The following TXK variants were observed in gnomAD, a reference collection of about 807,000 sequenced individuals.
TXK encodes the protein TXK tyrosine kinase, also known as tyrosine-protein kinase TXK.
TXK carries 60 observed loss-of-function variants against 81.0 expected under a neutral mutation model. That is an observed-to-expected ratio of 0.74 (90% CI 0.60 to 0.92). The LOEUF (loss-of-function observed/expected upper bound fraction) is 0.92. Ranked by LOEUF, TXK falls within the 40% of genes least tolerant of loss-of-function variation. The pLI is 0.00. For synonymous variants in TXK, 203 were observed against 210.7 expected (o/e 0.96, Z 0.32); for missense variants, 581 against 638.3 (o/e 0.91, Z 0.97).
intron 1 of TXK, among the ~76,000 whole-genome samples, chr4:48,116,708 A>G (rs1718822986): frequency 6.6e-6 from 1 of 152,184 alleles, no homozygotes; most frequent in African/African-American, 2.4e-5. Flanking sequence ...TCCTTACTCC[A>G]CTGTCCTCCC....
At chr4:48,093,895 C>T (rs1717873791) in intron 8 of TXK, among the ~76,000 whole-genome samples, 182 bp downstream of exon 8, 1 of 152,178 alleles carries the variant, frequency 6.6e-6, no homozygotes, top group African/African-American at 2.4e-5. Context: ...TTGCCCCCAA[C>T]CAACCAGAAA....
In TXK at chr4:48,104,894, G is replaced by C; in HGVS notation, c.501+7C>G. 1 of 1,586,696 alleles carries C rather than the reference G, an allele frequency of 6.3e-7. No homozygotes were observed. Among genetic ancestry groups the C allele is most frequent in the East Asian group, 2.3e-5 (1 of 43,196 alleles). Reference sequence around the variant, plus strand: ...TTTTGAAAATGTCCACAAATACATTGAATTACCTCTTGTCTCAATAGATGT... The same window carrying C: ...TTTTGAAAATGTCCACAAATACATTCAATTACCTCTTGTCTCAATAGATGT... On this transcript the variant is annotated splice_region_variant and intron_variant, in intron 6 of 14. Coordinates refer to ENST00000264316, the MANE Select transcript of TXK (RefSeq NM_003328.3).
intron 10 of TXK, among the ~76,000 whole-genome samples, chr4:48,085,190 C>A (rs1476454318): frequency 6.6e-6 from 1 of 152,130 alleles, no homozygotes; most frequent in Non-Finnish European, 1.5e-5. Context: ...TCAACTGAGT[C>A]AAAATGCTGT....
intron 4 of TXK, among the ~76,000 whole-genome samples, chr4:48,111,667 T>C (rs754278619): frequency 6.1e-4 from 93 of 152,202 alleles, no homozygotes; most frequent in Non-Finnish European, 1.0e-3. Flanking sequence ...GTAATTTACA[T>C]GCTTATAATA....
intron 14 of TXK, among the ~76,000 whole-genome samples, chr4:48,069,136 G>GA (rs974928132): frequency 1.3e-4 from 20 of 152,098 alleles, no homozygotes; most frequent in African/African-American, 3.9e-4. Flanking sequence ...CCCATCTCTA[G>GA]AAAAAATTTT....
At chr4:48,104,357 AATATATAAT>A (rs1718343631) in intron 6 of TXK, among the ~76,000 whole-genome samples, 1 of 1,322 alleles carries the variant, frequency 7.6e-4, no homozygotes, top group Non-Finnish European at 9.9e-4. Flanking sequence ...TATATAATAT[AATATATAAT>A]ATATATAATA....
At chr4:48,103,309 T>C (rs532399747) in intron 6 of TXK, among the ~76,000 whole-genome samples, 1 of 152,200 alleles carries the variant, frequency 6.6e-6, no homozygotes, top group African/African-American at 2.4e-5. Context: ...AAATTTTTTT[T>C]CTCCGTGTTG....
In TXK at chr4:48,073,940, G is replaced by C. The variant is rs1365325977; in HGVS notation, c.1352C>G (p.Ser451Ter). ...TGAACATCAGATGCACTCACCAAATGACCAGACATCAGATTTACTGCTGTA... is the reference window on the plus strand; with the variant it reads ...TGAACATCAGATGCACTCACCAAATCACCAGACATCAGATTTACTGCTGTA... ...NKYSSKSDVW[S>*]FGVLMWEVFT... The change falls in exon 13 of 15, where the codon TCA (serine) becomes TGA (stop). Residue 451 changes from serine to a stop codon, truncating the protein, a stop_gained. Coordinates refer to ENST00000264316, the MANE Select transcript of TXK (RefSeq NM_003328.3). LOFTEE classifies it high-confidence loss of function. 35 of 1,596,272 alleles carry C rather than the reference G, an allele frequency of 2.2e-5. No individual in the cohort carries two copies. The highest frequency in any genetic ancestry group is 3.0e-5 in the Non-Finnish European group (35 of 1,165,732).
intron 5 of TXK, among the ~76,000 whole-genome samples, chr4:48,107,759 G>A (rs1718502105): frequency 6.6e-6 from 1 of 151,764 alleles, no homozygotes; most frequent in Admixed American, 6.6e-5. Flanking sequence ...ATAACACTAC[G>A]ATTTAAAATT....
At chr4:48,079,889 A>T in intron 11 of TXK, 23 bp downstream of exon 11, 1 of 1,565,320 alleles carries the variant, frequency 6.4e-7, no homozygotes, top group African/African-American at 1.4e-5. Context: ...CAAAAAAAAA[A>T]AGTAAATTTG....
At chr4:48,130,195 T>C (rs1210918103) in intron 1 of TXK, among the ~76,000 whole-genome samples, 2 of 152,244 alleles carry the variant, frequency 1.3e-5, no homozygotes, top group Non-Finnish European at 2.9e-5. Flanking sequence ...TCTTTTTTAA[T>C]CTGCGGCTTC....
chr4:48,113,156 TA>T, intron 3 of TXK, 50 bp downstream of exon 3: 1 of 1,444,540 alleles, frequency 6.9e-7, no homozygotes. Flanking sequence ...ATGAAGACTC[TA>T]AAAAGACAAC....
At chr4:48,112,250 G>C (rs1400697332) in intron 4 of TXK, 57 bp downstream of exon 4, 35 of 1,507,496 alleles carry the variant, frequency 2.3e-5, no homozygotes, top group Non-Finnish European at 3.2e-5. Context: ...GAGTCACTAA[G>C]TAGTCTTCTT....
chr4:48,079,746 A>G (rs1717219804), intron 11 of TXK, among the ~76,000 whole-genome samples, 166 bp downstream of exon 11: 1 of 152,234 alleles, frequency 6.6e-6, no homozygotes, highest in Admixed American at 6.5e-5. Flanking sequence ...TACAGCATCA[A>G]TGGACAATTG....
chr4:48,122,897 G>A (rs928960924), intron 1 of TXK, among the ~76,000 whole-genome samples: 5 of 152,198 alleles, frequency 3.3e-5, no homozygotes, highest in Non-Finnish European at 7.3e-5. Context: ...TTGAAATAAA[G>A]GAAGATAAGA....
intron 10 of TXK, among the ~76,000 whole-genome samples, chr4:48,084,072 CT>C (rs1180796465): frequency 6.6e-6 from 1 of 152,114 alleles, no homozygotes; most frequent in African/African-American, 2.4e-5. Context: ...TTCTGCCTCA[CT>C]TTTTTAGAAA....
intron 1 of TXK, among the ~76,000 whole-genome samples, chr4:48,132,955 A>G (rs537399675): frequency 1.3e-5 from 2 of 152,240 alleles, no homozygotes; most frequent in South Asian, 4.1e-4. Flanking sequence ...AAAAAAAAAA[A>G]AAAAGTCTCA....
In TXK at chr4:48,066,461, G is replaced by A. The variant is rs1263485590; in HGVS notation, c.*1176C>T. 2.0e-5 allele frequency: 3 copies of A among 152,056 alleles called. No homozygotes were observed. Among genetic ancestry groups the A allele is most frequent in the Admixed American group, 6.6e-5 (1 of 15,256 alleles). 9.4% of individuals were successfully genotyped at this position (152,056 alleles called of 1,614,324 possible). ...ATAAAGATACCATTCTTTGAGTGGG[G>A]GAAATATAATTTAAAAGTCGCAACT... is the stretch of plus-strand genomic sequence containing the variant. On this transcript the variant is annotated 3_prime_UTR_variant, in exon 15 of 15. Transcript: ENST00000264316.
intron 11 of TXK, among the ~76,000 whole-genome samples, chr4:48,077,049 CATTTT>C (rs1717098639): frequency 1.3e-5 from 2 of 152,078 alleles, no homozygotes; most frequent in Admixed American, 6.6e-5. Context: ...AAGGCATAGT[CATTTT>C]ATATCTTTGG....
Sources: allele counts gnomAD v4.1 joint callset (sites outside exome capture counted in the v4.1 genomes callset), GRCh38; gene constraint gnomAD v4.1.1; transcripts MANE v1.5; gene names NCBI Gene and HGNC (gene_info 2026-07-23, HGNC 2026-07-21).